Variants in COL4A5 observed in about 807,000 individuals in gnomAD.
The protein encoded by COL4A5 is collagen alpha-5(IV) chain.
In COL4A5, 26 loss-of-function variants were observed where a neutral mutation model predicts 130.2. The observed-to-expected ratio is 0.20, with a 90% confidence interval of 0.15 to 0.28. The LOEUF (loss-of-function observed/expected upper bound fraction) is 0.28. Among genes scored for constraint, COL4A5 ranks in the 10% least tolerant of loss-of-function variants. The pLI, the probability that COL4A5 is intolerant of heterozygous loss-of-function variation, is 1.00. For missense variants in COL4A5, 1,131 were observed against 1,344.3 expected (o/e 0.84, Z 2.48); for synonymous variants, 496 against 439.6 (o/e 1.13, Z -1.60).
At chrX:108,449,291 G>A (rs1177055751) in intron 1 of COL4A5, among the ~76,000 whole-genome samples, 2 of 112,059 alleles carry the variant, frequency 1.8e-5, no homozygotes, top group Admixed American at 1.9e-4. Flanking sequence ...AACCTCATGA[G>A]TTTGTCCTCA....
In COL4A5 at chrX:108,597,853, A is replaced by T. The variant is rs1173418372; in HGVS notation, c.1779+285A>T. On this transcript the variant is annotated intron_variant, in intron 24 of 52. Transcript: ENST00000328300. ...GTTAAGATGTTTATGAGACAGTATA[A>T]GGTTCCCCATCTCTTAACCCCCACA... Among the ~76,000 whole-genome samples the T allele has an allele frequency of 2.7e-5, 3 of 111,449 alleles. No homozygotes were observed. The East Asian group carries it at 8.4e-4, about 31-fold the overall frequency.
At chrX:108,622,935 A>T in intron 33 of COL4A5, 110 bp downstream of exon 33, 1 of 680,792 alleles carries the variant, frequency 1.5e-6, no homozygotes, top group African/African-American at 2.2e-5. Context: ...AAAGGCACTT[A>T]AATGCATCAA....
At chrX:108,450,372 G>T (rs1206488432) in intron 1 of COL4A5, among the ~76,000 whole-genome samples, 1 of 111,786 alleles carries the variant, frequency 8.9e-6, no homozygotes, top group African/African-American at 3.3e-5. Flanking sequence ...GGGATTACAG[G>T]CATGAGCCAC....
At chrX:108,661,247 G>T (rs967672087) in intron 37 of COL4A5, among the ~76,000 whole-genome samples, 2 of 111,172 alleles carry the variant, frequency 1.8e-5, no homozygotes, top group African/African-American at 3.3e-5. Context: ...TCTTCTTTTG[G>T]AGTGCATATT....
At position 108,452,199 on chromosome X, in the gene COL4A5, C is replaced by G. The variant is rs866374159; in HGVS notation, c.81+11993C>G. The stretch of plus-strand genomic sequence containing the variant: ...ATTGATCTATATCTCTGTTTTGGTA[C>G]CAGTACCATGCTGTTTTGGTGACTG... On this transcript the variant is annotated intron_variant, in intron 1 of 52. Coordinates refer to ENST00000328300, the MANE Select transcript of COL4A5 (RefSeq NM_033380.3). Among the ~76,000 whole-genome samples, 6 of 111,738 alleles carry G rather than the reference C, an allele frequency of 5.4e-5. No homozygotes were observed. In the South Asian group the frequency reaches 1.5e-3, roughly 28 times the overall value.
intron 36 of COL4A5, among the ~76,000 whole-genome samples, chrX:108,649,998 A>C (rs188189111): frequency 3.0e-3 from 330 of 111,320 alleles, no homozygotes; most frequent in African/African-American, 0.01. Flanking sequence ...AAATCTTCAC[A>C]ATCTGTACAT....
chrX:108,519,756 A>G (rs1450464916), intron 1 of COL4A5, among the ~76,000 whole-genome samples: 2 of 110,538 alleles, frequency 1.8e-5, no homozygotes, highest in African/African-American at 6.5e-5. Flanking sequence ...GGTTTTTCTT[A>G]ATGCTCCATG....
chrX:108,526,691 T>C (rs1276636203), intron 1 of COL4A5, among the ~76,000 whole-genome samples: 1 of 87,131 alleles, frequency 1.1e-5, no homozygotes, highest in African/African-American at 4.3e-5. Flanking sequence ...CTTTCTTTCT[T>C]TCTTTCTTTC....
chrX:108,473,618 TATATATATATA>T (rs1367338582), intron 1 of COL4A5, among the ~76,000 whole-genome samples: 1 of 39,156 alleles, frequency 2.6e-5, no homozygotes, highest in Admixed American at 1.9e-4. Context: ...TATATGTATA[TATATATATATA>T]TATATTTTTT....
chrX:108,561,383 T>G (rs2065896276), intron 3 of COL4A5, among the ~76,000 whole-genome samples: 1 of 111,333 alleles, frequency 9.0e-6, no homozygotes, highest in Non-Finnish European at 1.9e-5. Context: ...CTATCAGTTG[T>G]GGGGACTCTG....
intron 36 of COL4A5, among the ~76,000 whole-genome samples, chrX:108,651,741 T>C (rs2067733859): frequency 8.9e-6 from 1 of 111,988 alleles, no homozygotes; most frequent in South Asian, 3.7e-4. Context: ...GTTTAGTTCA[T>C]ATTCTTTTTC....
At chrX:108,693,583 A>G (rs1227189146) in intron 50 of COL4A5, 5 of 114,071 alleles carry the variant, frequency 4.4e-5, no homozygotes, top group Non-Finnish European at 9.2e-5. Flanking sequence ...AGTGCCATCA[A>G]TGTGTAACAT....
rs1196378082 is a variant in COL4A5 at position 108,440,116 on chromosome X, C to T, written c.-10C>T. On this transcript the variant is annotated 5_prime_UTR_variant, in exon 1 of 53. Transcript: ENST00000328300. ...GCGGGTGCTGAAGGAGCTGCGGGAG[C>T]CGGAGAAGAATGAAACTGCGTGGAG... The T allele has an allele frequency of 1.7e-6, 2 of 1,201,708 alleles. No homozygotes were observed. Among genetic ancestry groups the T allele is most frequent in the South Asian group, 1.8e-5 (1 of 56,346 alleles).
chrX:108,598,771 A>G lies in COL4A5; in HGVS notation c.1849A>G (p.Ile617Val), dbSNP rs915356619. The G allele has an allele frequency of 8.3e-7, 1 of 1,210,255 alleles. No individual in the cohort carries two copies. Among genetic ancestry groups the G allele is most frequent in the African/African-American group, 1.7e-5 (1 of 57,821 alleles). ...AGGTTTACCAGGCCTCCCAGGGAAT[A>G]TAGGGCCTATGGGTCCCCCTGGTTT... ...NPGLPGLPGN[I>V]GPMGPPGFGP... is the part of the protein sequence containing the mutation. Residue 617 changes from isoleucine (I) to valine (V), a missense_variant, in exon 25 of 53, where the codon ATA (isoleucine) becomes GTA (valine). Transcript: ENST00000328300.
At chrX:108,473,633 A>ATATATATATTTTTTTTTTT in intron 1 of COL4A5, among the ~76,000 whole-genome samples, 1 of 34,567 alleles carries the variant, frequency 2.9e-5, no homozygotes, top group Non-Finnish European at 6.0e-5. Context: ...ATATATATAT[A>ATATATATATTTTTTTTTTT]TTTTTTTTTT....
intron 49 of COL4A5, chrX:108,689,488 C>G (rs1452577309): frequency 9.6e-5 from 72 of 750,756 alleles, no homozygotes; most frequent in Non-Finnish European, 1.1e-4. Context: ...CTAATAAGAA[C>G]AATCAGATTT....
chrX:108,555,527 A>G (rs1255992777), intron 2 of COL4A5, among the ~76,000 whole-genome samples: 12 of 112,067 alleles, frequency 1.1e-4, no homozygotes, highest in Non-Finnish European at 1.5e-4. Context: ...ATATGTTCAT[A>G]TAATGTCTGC....
chrX:108,689,750 G>A, intron 49 of COL4A5: 9 of 754,214 alleles, frequency 1.2e-5, no homozygotes, highest in South Asian at 6.7e-5. Flanking sequence ...ATTATAGGAT[G>A]TAAGAAAGAA....
intron 1 of COL4A5, among the ~76,000 whole-genome samples, chrX:108,441,670 C>T (rs1368609390): frequency 8.9e-6 from 1 of 112,166 alleles, no homozygotes; most frequent in Non-Finnish European, 1.9e-5. Context: ...AATAGGGCTA[C>T]AGACTTGGAT....
Sources: gnomAD v4.1 joint callset for allele counts (sites outside exome capture counted in the v4.1 genomes callset) on GRCh38, gnomAD v4.1.1 for gene constraint, MANE v1.5 for transcripts, NCBI Gene and HGNC (gene_info 2026-07-23, HGNC 2026-07-21) for gene names.